OCA2: variants seen among roughly 807,000 people sequenced by gnomAD.
OCA2 encodes P protein.
Under a neutral mutation model 100.2 loss-of-function variants are expected in OCA2, and 77 were observed. That is an observed-to-expected ratio of 0.77 (90% CI 0.64 to 0.93). The LOEUF is 0.93. Ranked by LOEUF, OCA2 falls within the 40% of genes least tolerant of loss-of-function variation. The pLI, the probability that OCA2 is intolerant of heterozygous loss-of-function variation, is 0.00. For missense variants in OCA2, 1,062 were observed against 1,089.1 expected (o/e 0.98, Z 0.35); for synonymous variants, 432 against 439.2 (o/e 0.98, Z 0.21).
At chr15:27,778,201 C>T (rs867702784) in intron 23 of OCA2, among the ~76,000 whole-genome samples, 9 of 152,256 alleles carry the variant, frequency 5.9e-5, no homozygotes, top group Middle Eastern at 3.4e-3. Context: ...AGTATCAAAC[C>T]TTTTGCTGAC....
chr15:27,934,801 AT>A (rs1302002108), intron 18 of OCA2, among the ~76,000 whole-genome samples: 1 of 152,160 alleles, frequency 6.6e-6, no homozygotes, highest in Non-Finnish European at 1.5e-5. Context: ...AGTCACGGAG[AT>A]TTGTCTTGTT....
At chr15:27,778,770 A>G (rs1455473823) in intron 23 of OCA2, among the ~76,000 whole-genome samples, 1 of 152,208 alleles carries the variant, frequency 6.6e-6, no homozygotes, top group Non-Finnish European at 1.5e-5. Flanking sequence ...CTTGCCTGGA[A>G]AAGGCAAGTG....
At chr15:27,889,469 T>A (rs925963671) in intron 19 of OCA2, among the ~76,000 whole-genome samples, 1 of 152,118 alleles carries the variant, frequency 6.6e-6, no homozygotes, top group Non-Finnish European at 1.5e-5. Flanking sequence ...CCAAAAGGTA[T>A]GTCTAAGGGT....
chr15:27,800,890 G>C (rs1343331003), intron 23 of OCA2, among the ~76,000 whole-genome samples: 1 of 150,544 alleles, frequency 6.6e-6, no homozygotes, highest in Non-Finnish European at 1.5e-5. Flanking sequence ...ATTGCTTGAG[G>C]CTGGGAGGTC....
intron 23 of OCA2, among the ~76,000 whole-genome samples, chr15:27,765,321 G>T (rs767474003): frequency 3.9e-5 from 6 of 152,060 alleles, no homozygotes; most frequent in Non-Finnish European, 7.4e-5. Context: ...GATAACGAGG[G>T]AATTCTTAAC....
In OCA2 at chr15:27,990,657, A is replaced by T; in HGVS notation, c.1045-10T>A. On this transcript the variant is annotated splice_polypyrimidine_tract_variant and intron_variant, in intron 9 of 23. Coordinates refer to ENST00000354638, the MANE Select transcript of OCA2 (RefSeq NM_000275.3). ...GAGTTCTGTGCACGATCTGGAAAGA[A>T]GCACAGGAAATTACCGCGTTCCAGT... 1 of 1,613,570 alleles carries T rather than the reference A, an allele frequency of 6.2e-7. No individual in the cohort carries two copies. The highest frequency in any genetic ancestry group is 8.5e-7 in the Non-Finnish European group (1 of 1,179,666).
intron 23 of OCA2, among the ~76,000 whole-genome samples, chr15:27,765,987 G>A (rs1360691841): frequency 6.6e-6 from 1 of 152,112 alleles, no homozygotes; most frequent in African/African-American, 2.4e-5. Context: ...ATGCTGCCCA[G>A]CGGGCCTCAG....
chr15:27,771,306 A>G (rs1156955269), intron 23 of OCA2, among the ~76,000 whole-genome samples: 1 of 148,794 alleles, frequency 6.7e-6, no homozygotes, highest in African/African-American at 2.5e-5. Context: ...CTGCCACTCC[A>G]CGGCCCCAGC....
At chr15:27,775,538 CT>C (rs2032160374) in intron 23 of OCA2, 1 of 152,576 alleles carries the variant, frequency 6.6e-6, no homozygotes. Context: ...AGGTGGACCC[CT>C]GTGAGGTCAC....
At chr15:27,816,203 A>C (rs2034292498) in intron 23 of OCA2, among the ~76,000 whole-genome samples, 1 of 152,224 alleles carries the variant, frequency 6.6e-6, no homozygotes, top group Non-Finnish European at 1.5e-5. Context: ...TATCCCTGAA[A>C]GGGAACTTAC....
chr15:27,893,451 T>G (rs1176178054), intron 19 of OCA2, among the ~76,000 whole-genome samples: 1 of 152,076 alleles, frequency 6.6e-6, no homozygotes, highest in Non-Finnish European at 1.5e-5. Context: ...GCCTGTGGGG[T>G]CAGGCAAAAA....
At chr15:27,824,602 C>CTCTATATATATATATATATATATATA in intron 23 of OCA2, among the ~76,000 whole-genome samples, 1 of 47,598 alleles carries the variant, frequency 2.1e-5, no homozygotes, top group Non-Finnish European at 3.1e-5. Context: ...CTCTCTCTCT[C>CTCTATATATATATATATATATATATA]TATATATATA....
At chr15:28,082,333 G>A (rs754165823) in intron 1 of OCA2, among the ~76,000 whole-genome samples, 14 of 152,260 alleles carry the variant, frequency 9.2e-5, no homozygotes, top group Non-Finnish European at 1.2e-4. Flanking sequence ...GGATACTTTC[G>A]ATGTTTTGGT....
chr15:27,843,598 C>T (rs1280530203), intron 23 of OCA2, among the ~76,000 whole-genome samples: 3 of 152,162 alleles, frequency 2.0e-5, no homozygotes, highest in Non-Finnish European at 4.4e-5. Flanking sequence ...GCAGGGTCAG[C>T]GATATGCCCA....
At chr15:27,835,792 C>T (rs1441713759) in intron 23 of OCA2, among the ~76,000 whole-genome samples, 1 of 152,146 alleles carries the variant, frequency 6.6e-6, no homozygotes, top group African/African-American at 2.4e-5. Flanking sequence ...TGTGCTGGGT[C>T]GATCTTCTCT....
the OCA2 span, among the ~76,000 whole-genome samples, chr15:27,725,787 G>GT: frequency 6.6e-6 from 1 of 152,134 alleles, no homozygotes; most frequent in East Asian, 1.9e-4. Flanking sequence ...GGTAGGCACT[G>GT]TTTGTCTTTT....
intron 9 of OCA2, among the ~76,000 whole-genome samples, chr15:28,001,996 T>C (rs1196381068): frequency 3.3e-5 from 5 of 152,160 alleles, no homozygotes; most frequent in Non-Finnish European, 7.3e-5. Flanking sequence ...GTGGGCTGTG[T>C]GCACCAAGAT....
At chr15:27,990,405 C>T (rs143369402) in intron 10 of OCA2, among the ~76,000 whole-genome samples, 171 bp downstream of exon 10, 9 of 152,328 alleles carry the variant, frequency 5.9e-5, no homozygotes, top group South Asian at 4.1e-4. Flanking sequence ...ATGAAAAGTA[C>T]TCTTCAATGC....
intron 23 of OCA2, among the ~76,000 whole-genome samples, chr15:27,835,350 T>TC (rs1356589333): frequency 6.6e-6 from 1 of 152,196 alleles, no homozygotes; most frequent in Non-Finnish European, 1.5e-5. Flanking sequence ...AGAAGCTCCT[T>TC]CCCCTGTTTC....
Sources: gnomAD v4.1 joint callset for allele counts (sites outside exome capture counted in the v4.1 genomes callset) on GRCh38, gnomAD v4.1.1 for gene constraint, MANE v1.5 for transcripts, NCBI Gene and HGNC (gene_info 2026-07-23, HGNC 2026-07-21) for gene names.